DCDC1: variants seen among roughly 807,000 people sequenced by gnomAD.
DCDC1 encodes the protein doublecortin domain-containing protein 1.
A neutral mutation model predicts 178.3 loss-of-function variants in DCDC1; 200 were observed. The ratio of observed to expected loss-of-function variants is 1.12; its 90% CI spans 1.00 to 1.26. The LOEUF is 1.26. Among genes scored for constraint, DCDC1 ranks in the 50% most tolerant of loss-of-function variants. The pLI is 0.00. For synonymous variants in DCDC1, 690 were observed against 604.8 expected, an observed-to-expected ratio of 1.14 and a Z score of -2.07; for missense variants, 1,983 against 1,749.2, an observed-to-expected ratio of 1.13 and a Z score of -2.38.
intron 20 of DCDC1, among the ~76,000 whole-genome samples, chr11:31,001,354 C>CA (rs943628887): frequency 4.0e-4 from 58 of 146,526 alleles, no homozygotes; most frequent in Non-Finnish European, 6.5e-4. Context: ...CATTTTGAGA[C>CA]AAAAAAAAAA....
chr11:31,183,658 A>T (rs1387757602), intron 9 of DCDC1, among the ~76,000 whole-genome samples: 1 of 152,192 alleles, frequency 6.6e-6, no homozygotes, highest in South Asian at 2.1e-4. Context: ...GTCAAATCGT[A>T]AGTGAACTCC....
intron 9 of DCDC1, among the ~76,000 whole-genome samples, chr11:31,172,451 A>G (rs1016632235): frequency 6.6e-6 from 1 of 152,116 alleles, no homozygotes; most frequent in African/African-American, 2.4e-5. Flanking sequence ...ACTGACATCA[A>G]TATAATGAAA....
chr11:30,932,769 G>A (rs1468755147), intron 21 of DCDC1, among the ~76,000 whole-genome samples: 2 of 152,096 alleles, frequency 1.3e-5, no homozygotes, highest in African/African-American at 4.8e-5. Flanking sequence ...AGTAAAGGAT[G>A]GGTAAAAAGA....
intron 20 of DCDC1, among the ~76,000 whole-genome samples, chr11:30,991,423 G>T (rs290105): frequency 0.023 from 3,495 of 152,176 alleles, 146 homozygotes; most frequent in African/African-American, 0.08. Context: ...GATTCTAATT[G>T]CCTAATTCTA....
At chr11:31,229,705 A>G (rs893523423) in intron 9 of DCDC1, among the ~76,000 whole-genome samples, 1 of 152,158 alleles carries the variant, frequency 6.6e-6, no homozygotes, top group South Asian at 2.1e-4. Context: ...CTAGAATGAA[A>G]GGATGGCGCA....
At chr11:31,117,335 T>C (rs571738539) in intron 11 of DCDC1, among the ~76,000 whole-genome samples, 16 of 151,926 alleles carry the variant, frequency 1.1e-4, no homozygotes, top group African/African-American at 3.9e-4. Context: ...ATCCTACTTT[T>C]ATCTATTTTA....
chr11:30,959,082 C>A (rs150529900), intron 20 of DCDC1, among the ~76,000 whole-genome samples: 1 of 152,046 alleles, frequency 6.6e-6, no homozygotes, highest in East Asian at 1.9e-4. Context: ...TAAGAGAAAT[C>A]TAAAATTGAT....
intron 15 of DCDC1, among the ~76,000 whole-genome samples, chr11:31,098,019 G>A (rs527365918): frequency 5.2e-4 from 79 of 152,140 alleles, no homozygotes; most frequent in Non-Finnish European, 1.0e-3. Context: ...TTTTCTTGCC[G>A]TTTCCATCAT....
intron 18 of DCDC1, among the ~76,000 whole-genome samples, chr11:31,074,405 C>G (rs1294291376): frequency 6.6e-6 from 1 of 152,100 alleles, no homozygotes; most frequent in South Asian, 2.1e-4. Flanking sequence ...GAGGTAGGGC[C>G]TTTATGAGTT....
At chr11:31,254,381 C>A (rs1245081620) in intron 8 of DCDC1, among the ~76,000 whole-genome samples, 1 of 152,018 alleles carries the variant, frequency 6.6e-6, no homozygotes, top group African/African-American at 2.4e-5. Context: ...CGAGAATGTG[C>A]AGATTGTCAT....
At chr11:30,985,628 T>C (rs1431707577) in intron 20 of DCDC1, among the ~76,000 whole-genome samples, 1 of 152,130 alleles carries the variant, frequency 6.6e-6, no homozygotes, top group Non-Finnish European at 1.5e-5. Context: ...TAAAAGTATA[T>C]GAAATATTAA....
chr11:30,982,850 G>A (rs988669131), intron 20 of DCDC1, among the ~76,000 whole-genome samples: 4 of 152,024 alleles, frequency 2.6e-5, no homozygotes, highest in East Asian at 1.9e-4. Flanking sequence ...GATTGCTTCT[G>A]GGAGCCATCC....
chr11:31,269,158 C>T (rs551742026), intron 7 of DCDC1, among the ~76,000 whole-genome samples: 4 of 152,170 alleles, frequency 2.6e-5, no homozygotes, highest in East Asian at 1.9e-4. Flanking sequence ...ATCATTTTCT[C>T]GGAGTAAATT....
At chr11:31,111,309 C>T (rs1015686675) in intron 11 of DCDC1, among the ~76,000 whole-genome samples, 12 of 151,342 alleles carry the variant, frequency 7.9e-5, no homozygotes, top group Non-Finnish European at 1.3e-4. Context: ...AAAAAAACTA[C>T]CTTTTTTATA....
chr11:31,097,409 T>C (rs1475815913), intron 15 of DCDC1, among the ~76,000 whole-genome samples: 2 of 152,252 alleles, frequency 1.3e-5, no homozygotes, highest in Non-Finnish European at 2.9e-5. Context: ...AAAGAAATTT[T>C]ACATGATGTT....
At chr11:31,014,219 T>C (rs946528978) in intron 20 of DCDC1, among the ~76,000 whole-genome samples, 1 of 151,902 alleles carries the variant, frequency 6.6e-6, no homozygotes, top group Non-Finnish European at 1.5e-5. Flanking sequence ...CTCTCTCTCT[T>C]TCTCTTTTTC....
chr11:30,909,777 T>C (rs572054100), intron 28 of DCDC1, among the ~76,000 whole-genome samples: 3 of 152,316 alleles, frequency 2.0e-5, no homozygotes, highest in African/African-American at 7.2e-5. Context: ...AAGAGGTTTA[T>C]TTTTTAAGTA....
At chr11:31,358,900 G>A (rs1239988079) in intron 1 of DCDC1, among the ~76,000 whole-genome samples, 1 of 152,196 alleles carries the variant, frequency 6.6e-6, no homozygotes, top group Non-Finnish European at 1.5e-5. Flanking sequence ...TCTCACACCA[G>A]TTAGAATGGC....
At chr11:31,145,486 A>G (rs546343220) in intron 9 of DCDC1, among the ~76,000 whole-genome samples, 1 of 152,358 alleles carries the variant, frequency 6.6e-6, no homozygotes, top group African/African-American at 2.4e-5. Flanking sequence ...ACTCTGCTCT[A>G]TAAGGGTGGT....
Sources: allele counts gnomAD v4.1 joint callset (sites outside exome capture counted in the v4.1 genomes callset), GRCh38; gene constraint gnomAD v4.1.1; transcripts MANE v1.5; gene names NCBI Gene and HGNC (gene_info 2026-07-23, HGNC 2026-07-21).